The following SCOC variants were observed in gnomAD, a reference collection of about 807,000 sequenced individuals.
The protein encoded by SCOC is short coiled-coil protein.
SCOC carries 7 observed loss-of-function variants against 9.9 expected under a neutral mutation model. That is an observed-to-expected ratio of 0.71 (90% CI 0.40 to 1.33). SCOC has a LOEUF of 1.33. Among genes scored for constraint, SCOC ranks in the 40% most tolerant of loss-of-function variants. The pLI, the probability that SCOC is intolerant of heterozygous loss-of-function variation, is 0.01. For synonymous variants in SCOC, 19 were observed against 28.2 expected (o/e 0.67, Z 1.03); for missense variants, 66 against 89.7 (o/e 0.74, Z 1.07).
chr4:140,364,374 G>A (rs1002641162), intron 2 of SCOC, among the ~76,000 whole-genome samples: 1 of 152,108 alleles, frequency 6.6e-6, no homozygotes, highest in Non-Finnish European at 1.5e-5. Flanking sequence ...CCAATCAAGA[G>A]ACAGCAGACA....
chr4:140,287,061 G>T (rs903892675), intron 1 of SCOC, among the ~76,000 whole-genome samples: 1 of 150,556 alleles, frequency 6.6e-6, no homozygotes, highest in African/African-American at 2.5e-5. Context: ...CACATCATAT[G>T]CACCTGCCAC....
chr4:140,278,849 C>T (rs1731041530), intron 1 of SCOC, among the ~76,000 whole-genome samples: 1 of 124,778 alleles, frequency 8.0e-6, no homozygotes, highest in Admixed American at 9.5e-5. Context: ...CAATCACTCC[C>T]CCGTATTCAC....
At chr4:140,362,301 T>TCTTCTTCTTGTTCTTC in intron 2 of SCOC, among the ~76,000 whole-genome samples, 5 of 29,408 alleles carry the variant, frequency 1.7e-4, no homozygotes, top group Middle Eastern at 0.012. Context: ...TTCTTCTTCT[T>TCTTCTTCTTGTTCTTC]TTTTTTTTTT....
chr4:140,362,308 T>TCCTC (rs1727590727), intron 2 of SCOC, among the ~76,000 whole-genome samples: 3 of 8,404 alleles, frequency 3.6e-4, no homozygotes, highest in Admixed American at 2.5e-3. Flanking sequence ...TCTTTTTTTT[T>TCCTC]TTTTTTTGTG....
chr4:140,355,222 T>TATATG (rs3034548), intron 2 of SCOC, among the ~76,000 whole-genome samples: 8,899 of 33,188 alleles, frequency 0.27, 487 homozygotes, highest in Admixed American at 0.37. Context: ...TATATATATA[T>TATATG]ATATATATAT....
chr4:140,375,272 G>T (rs749752900), intron 1 of SCOC, among the ~76,000 whole-genome samples: 1 of 152,194 alleles, frequency 6.6e-6, no homozygotes, highest in Non-Finnish European at 1.5e-5. Context: ...CTAAAAGGTA[G>T]AGAAGACGAT....
chr4:140,366,160 T>C, intron 2 of SCOC: 1 of 521,822 alleles, frequency 1.9e-6, no homozygotes, highest in Non-Finnish European at 3.0e-6. Flanking sequence ...CTTGCAATCT[T>C]GGGTGCCTCC....
chr4:140,364,336 G>A (rs1288968641), intron 2 of SCOC, among the ~76,000 whole-genome samples: 5 of 152,124 alleles, frequency 3.3e-5, no homozygotes, highest in African/African-American at 4.8e-5. Flanking sequence ...CTTTAAAAAT[G>A]TCAAGATAAT....
intron 1 of SCOC, among the ~76,000 whole-genome samples, chr4:140,266,280 C>G (rs987851505): frequency 9.2e-5 from 14 of 152,114 alleles, no homozygotes; most frequent in Non-Finnish European, 1.9e-4. Context: ...TGTGAGTCAG[C>G]TTGGGCTGCT....
intron 1 of SCOC, among the ~76,000 whole-genome samples, chr4:140,269,257 A>T (rs1730791585): frequency 6.6e-6 from 1 of 152,134 alleles, no homozygotes; most frequent in South Asian, 2.1e-4. Flanking sequence ...CTGGGGAGAG[A>T]GTGGGGGAAG....
intron 1 of SCOC, among the ~76,000 whole-genome samples, chr4:140,309,823 C>G (rs759888972): frequency 4.6e-5 from 7 of 152,282 alleles, no homozygotes; most frequent in Non-Finnish European, 8.8e-5. Flanking sequence ...CCCCAAACCC[C>G]ACAGCTCATG....
chr4:140,339,388 G>A (rs1165549854), upstream of SCOC, among the ~76,000 whole-genome samples: 4 of 152,042 alleles, frequency 2.6e-5, no homozygotes, highest in Non-Finnish European at 2.9e-5. Context: ...ACATAGGCAT[G>A]GGCAAGGACT....
intron 1 of SCOC, among the ~76,000 whole-genome samples, chr4:140,262,779 G>A (rs1487801656): frequency 1.3e-5 from 2 of 152,162 alleles, no homozygotes; most frequent in East Asian, 1.9e-4. Context: ...TGGCGGAGGG[G>A]CGAAGGGGAA....
At chr4:140,285,646 T>C (rs1731244302) in intron 1 of SCOC, among the ~76,000 whole-genome samples, 1 of 152,232 alleles carries the variant, frequency 6.6e-6, no homozygotes, top group African/African-American at 2.4e-5. Flanking sequence ...TTTCAGGAGA[T>C]ACTTAAGTGA....
At chr4:140,290,280 A>G (rs968846530) in intron 1 of SCOC, among the ~76,000 whole-genome samples, 1 of 152,242 alleles carries the variant, frequency 6.6e-6, no homozygotes, top group African/African-American at 2.4e-5. Flanking sequence ...CAGGCAGGGT[A>G]AAATCTCAGA....
At chr4:140,269,703 C>T (rs545624611) in intron 1 of SCOC, among the ~76,000 whole-genome samples, 3 of 152,284 alleles carry the variant, frequency 2.0e-5, no homozygotes, top group East Asian at 3.9e-4. Context: ...CAATGGCTAA[C>T]GAGAACATAT....
In SCOC at chr4:140,379,643, A is replaced by G; in HGVS notation, c.97A>G (p.Thr33Ala). Residue 33 changes from threonine (T) to alanine (A), a missense_variant, in exon 3 of 4, where the codon ACA (threonine) becomes GCA (alanine). Thr to Ala is a moderately conservative substitution (Grantham distance 58, BLOSUM62 0). Transcript: ENST00000608372. ...LINQVLELQH[T>A]LEDLSARVDA... ...TAATCAAGTGTTGGAACTCCAACAC[A>G]CACTTGAAGGTTGGCTTGCATTTTG... The G allele has an allele frequency of 6.2e-7, 1 of 1,607,698 alleles. No individual in the cohort carries two copies. Among genetic ancestry groups the G allele is most frequent in the Non-Finnish European group, 8.5e-7 (1 of 1,176,904 alleles).
chr4:140,271,732 C>T (rs142354445), intron 1 of SCOC, among the ~76,000 whole-genome samples: 4 of 152,274 alleles, frequency 2.6e-5, no homozygotes, highest in East Asian at 3.9e-4. Flanking sequence ...GCCAGGCTTT[C>T]GTTTAGATGC....
chr4:140,335,849 C>T (rs184279681), intron 1 of SCOC, among the ~76,000 whole-genome samples: 299 of 152,244 alleles, frequency 2.0e-3, no homozygotes, highest in African/African-American at 6.6e-3. Flanking sequence ...AGCTCTGTAA[C>T]CCCAATACCG....
Sources: gnomAD v4.1 joint callset for allele counts (sites outside exome capture counted in the v4.1 genomes callset) on GRCh38, gnomAD v4.1.1 for gene constraint, MANE v1.5 for transcripts, NCBI Gene and HGNC (gene_info 2026-07-23, HGNC 2026-07-21) for gene names.